The following EPHA6 variants were observed in gnomAD, a reference collection of about 807,000 sequenced individuals.
EPHA6 encodes EPH receptor A6, also known as ephrin type-A receptor 6.
In EPHA6, 50 loss-of-function variants were observed where a neutral mutation model predicts 112.0. The observed-to-expected ratio is 0.45, with a 90% CI of 0.36 to 0.56. The LOEUF (loss-of-function observed/expected upper bound fraction) is 0.56. Ranked by LOEUF, EPHA6 falls within the 20% of genes least tolerant of loss-of-function variation. EPHA6 has a pLI of 0.00. For synonymous variants in EPHA6, 529 were observed against 490.7 expected (o/e 1.08, Z -1.03); for missense variants, 1,280 against 1,417.4 (o/e 0.90, Z 1.56).
intron 5 of EPHA6, among the ~76,000 whole-genome samples, chr3:97,359,444 C>T (rs1407145878): frequency 1.3e-5 from 2 of 148,612 alleles, no homozygotes; most frequent in African/African-American, 4.9e-5. Flanking sequence ...CCATTTTGTT[C>T]ATACATTGTT....
intron 3 of EPHA6, among the ~76,000 whole-genome samples, chr3:97,052,952 A>C (rs534665572): frequency 6.6e-6 from 1 of 152,152 alleles, no homozygotes; most frequent in African/African-American, 2.4e-5. Flanking sequence ...TGAGGGATGA[A>C]GGAGTGGTGC....
At chr3:97,336,262 T>A (rs561077219) in intron 5 of EPHA6, among the ~76,000 whole-genome samples, 3 of 152,276 alleles carry the variant, frequency 2.0e-5, no homozygotes, top group Admixed American at 6.5e-5. Context: ...CCTCCCAAAG[T>A]TAGTTTGGCC....
rs554578606 is a variant in EPHA6 at position 96,985,095 on chromosome 3, C to T, written c.451-2235C>T. ...CTGACGAGCCCCATTGAGATGAACCCGGTACCTCAGTTGGAAATGTAGAAA... is the reference window on the plus strand; with the variant it reads ...CTGACGAGCCCCATTGAGATGAACCTGGTACCTCAGTTGGAAATGTAGAAA... On this transcript the variant is annotated intron_variant, in intron 2 of 17. Coordinates refer to ENST00000389672, the MANE Select transcript of EPHA6 (RefSeq NM_001080448.3). Among the ~76,000 whole-genome samples, 23 of 152,198 alleles carry T rather than the reference C, an allele frequency of 1.5e-4. No homozygotes were observed. In the South Asian group the frequency reaches 2.9e-3, roughly 19 times the overall value.
chr3:96,858,807 G>A (rs975409871), intron 1 of EPHA6, among the ~76,000 whole-genome samples: 1 of 152,054 alleles, frequency 6.6e-6, no homozygotes, highest in Non-Finnish European at 1.5e-5. Context: ...TGCTTCAGGG[G>A]TTGGGGCCAA....
At chr3:97,488,327 AGT>A (rs1179147787) in intron 10 of EPHA6, among the ~76,000 whole-genome samples, 1 of 152,198 alleles carries the variant, frequency 6.6e-6, no homozygotes, top group Non-Finnish European at 1.5e-5. Context: ...GTTTCTCAGC[AGT>A]TATCTGCAGG....
intron 3 of EPHA6, among the ~76,000 whole-genome samples, chr3:97,108,969 T>A (rs1388654506): frequency 1.3e-5 from 2 of 152,080 alleles, no homozygotes; most frequent in African/African-American, 2.4e-5. Context: ...TGTACAACAC[T>A]CCAGGGACTG....
intron 3 of EPHA6, among the ~76,000 whole-genome samples, chr3:97,190,714 T>A (rs972332097): frequency 1.3e-5 from 2 of 152,022 alleles, no homozygotes; most frequent in African/African-American, 2.4e-5. Context: ...CACATACTTA[T>A]TTTTTGTGGA....
At chr3:96,865,166 A>G (rs2036232927) in intron 1 of EPHA6, among the ~76,000 whole-genome samples, 1 of 152,094 alleles carries the variant, frequency 6.6e-6, no homozygotes. Context: ...AGTTTTACAA[A>G]TGTATGTTTA....
At chr3:97,518,077 C>T (rs898496052) in intron 10 of EPHA6, among the ~76,000 whole-genome samples, 12 of 152,080 alleles carry the variant, frequency 7.9e-5, no homozygotes, top group Admixed American at 5.9e-4. Context: ...AGCTCATCAG[C>T]ATATTGATTT....
At chr3:96,889,986 T>C (rs2037859159) in intron 2 of EPHA6, among the ~76,000 whole-genome samples, 4 of 152,086 alleles carry the variant, frequency 2.6e-5, no homozygotes, top group South Asian at 2.1e-4. Context: ...CATATATATA[T>C]TGACCTCTTA....
intron 15 of EPHA6, among the ~76,000 whole-genome samples, chr3:97,723,037 G>A (rs1166605152): frequency 1.3e-5 from 2 of 152,098 alleles, no homozygotes; most frequent in Non-Finnish European, 2.9e-5. Flanking sequence ...ACAGTAACAT[G>A]CTATGATTTT....
chr3:97,187,646 GAGAGAA>G (rs2077177539), intron 3 of EPHA6, among the ~76,000 whole-genome samples: 1 of 131,492 alleles, frequency 7.6e-6, no homozygotes, highest in African/African-American at 2.9e-5. Flanking sequence ...GAAAAAGAGA[GAGAGAA>G]AGAAAGAAAG....
chr3:97,521,093 A>G (rs981349543), intron 10 of EPHA6, among the ~76,000 whole-genome samples: 1 of 150,586 alleles, frequency 6.6e-6, no homozygotes. Flanking sequence ...TTTCTTTTTC[A>G]TATCCTGAAT....
Position 97,257,669 on chromosome 3 carries a change from C to T in EPHA6, c.1606+13382C>T, listed in dbSNP as rs115198490. Among the ~76,000 whole-genome samples the T allele has an allele frequency of 7.7e-3, 1,173 of 151,908 alleles. 19 individuals carry two copies. Among genetic ancestry groups the T allele is most frequent in the Middle Eastern group, 0.017 (5 of 292 alleles). Reference sequence around the variant, plus strand: ...TATACTCTTTAAATCCACTACTAGGCCTTGTCAGTGTTTAGGAAAGATAAT... The same window carrying T: ...TATACTCTTTAAATCCACTACTAGGTCTTGTCAGTGTTTAGGAAAGATAAT... On this transcript the variant is annotated intron_variant, in intron 5 of 17. Transcript: ENST00000389672.
intron 2 of EPHA6, among the ~76,000 whole-genome samples, chr3:96,894,664 G>A (rs528512056): frequency 6.6e-6 from 1 of 152,280 alleles, no homozygotes; most frequent in South Asian, 2.1e-4. Flanking sequence ...TACCGAGAAT[G>A]TATATGATGC....
intron 3 of EPHA6, among the ~76,000 whole-genome samples, chr3:97,174,034 C>T (rs2076767884): frequency 1.3e-5 from 2 of 151,664 alleles, no homozygotes; most frequent in African/African-American, 4.8e-5. Flanking sequence ...CCCCCAGTCC[C>T]CCACTACCCT....
At chr3:96,862,321 G>A (rs1348715267) in intron 1 of EPHA6, among the ~76,000 whole-genome samples, 1 of 151,804 alleles carries the variant, frequency 6.6e-6, no homozygotes, top group African/African-American at 2.4e-5. Flanking sequence ...TGCTGTTACT[G>A]AGTGACTTAG....
intron 3 of EPHA6, among the ~76,000 whole-genome samples, chr3:97,102,790 CT>C (rs946977817): frequency 1.3e-5 from 2 of 150,650 alleles, no homozygotes; most frequent in African/African-American, 4.9e-5. Context: ...CATCTGTTAT[CT>C]TTTTTTTTGG....
chr3:97,440,345 G>A lies in EPHA6; in HGVS notation c.1732-8223G>A, dbSNP rs572704951. Among the ~76,000 whole-genome samples, 4 of 151,898 alleles carry A rather than the reference G, an allele frequency of 2.6e-5. No individual in the cohort carries two copies. In the East Asian group the frequency reaches 7.7e-4, roughly 29 times the overall value. On this transcript the variant is annotated intron_variant, in intron 6 of 17. Transcript: ENST00000389672. ...TAGAAGATTATAAAACATCTTACAGGCACTCTCTAATGAAGAATTTTCTAA... is the reference window on the plus strand; with the variant it reads ...TAGAAGATTATAAAACATCTTACAGACACTCTCTAATGAAGAATTTTCTAA...
Sources: allele counts gnomAD v4.1 joint callset (sites outside exome capture counted in the v4.1 genomes callset), GRCh38; gene constraint gnomAD v4.1.1; transcripts MANE v1.5; gene names NCBI Gene and HGNC (gene_info 2026-07-23, HGNC 2026-07-21).